Variants in MLLT3 observed in about 807,000 individuals in gnomAD.
The protein encoded by MLLT3 is protein AF-9.
A neutral mutation model predicts 53.2 loss-of-function variants in MLLT3; 4 were observed. The ratio of observed to expected loss-of-function variants is 0.08; its 90% CI spans 0.04 to 0.17. MLLT3 has a LOEUF of 0.17. MLLT3 is among the 10% of genes least tolerant of loss of function. MLLT3 has a pLI of 1.00. For synonymous variants in MLLT3, 283 were observed against 230.6 expected (o/e 1.23, Z -2.06); for missense variants, 569 against 684.0 (o/e 0.83, Z 1.87).
chr9:20,389,123 C>A (rs928176668), intron 5 of MLLT3, among the ~76,000 whole-genome samples: 1 of 152,220 alleles, frequency 6.6e-6, no homozygotes, highest in Admixed American at 6.5e-5. Context: ...AAGTGTCCAT[C>A]AGCCAATGAA....
At chr9:20,586,347 G>C (rs918295309) in intron 2 of MLLT3, among the ~76,000 whole-genome samples, 3 of 151,066 alleles carry the variant, frequency 2.0e-5, no homozygotes, top group Non-Finnish European at 4.4e-5. Flanking sequence ...ATATGGATGG[G>C]TATGGATGGG....
At chr9:20,517,721 C>T (rs1817951940) in intron 2 of MLLT3, among the ~76,000 whole-genome samples, 1 of 151,738 alleles carries the variant, frequency 6.6e-6, no homozygotes, top group African/African-American at 2.4e-5. Flanking sequence ...CCTGTAATAC[C>T]AGCTACTTGG....
chr9:20,614,981 T>G (rs7018627), intron 2 of MLLT3, among the ~76,000 whole-genome samples: 2,338 of 152,248 alleles, frequency 0.015, 60 homozygotes, highest in African/African-American at 0.052. Flanking sequence ...GATAGGTAGT[T>G]CTACAGAGGG....
At chr9:20,512,180 G>A (rs1817768657) in intron 2 of MLLT3, among the ~76,000 whole-genome samples, 1 of 152,148 alleles carries the variant, frequency 6.6e-6, no homozygotes, top group Non-Finnish European at 1.5e-5. Context: ...AGGCTGCAAT[G>A]GTGCTGTTTT....
chr9:20,532,433 G>T (rs1818367182), intron 2 of MLLT3: 1 of 168,262 alleles, frequency 5.9e-6, no homozygotes, highest in Non-Finnish European at 1.3e-5. Flanking sequence ...AATTAACACA[G>T]TTGCAGTCAT....
chr9:20,500,896 C>T (rs1035905190), intron 2 of MLLT3, among the ~76,000 whole-genome samples: 13 of 152,124 alleles, frequency 8.5e-5, no homozygotes, highest in Non-Finnish European at 1.5e-4. Flanking sequence ...AGTTCAATGC[C>T]CAGAAACCTG....
Position 20,398,451 on chromosome 9 carries a change from A to C in MLLT3, c.1125+15270T>G, listed in dbSNP as rs114532576. On this transcript the variant is annotated intron_variant, in intron 5 of 10. Transcript: ENST00000380338. ...AATATTTAACAGCCAAATTAAGCTT[A>C]TTAATTTAAAGCTATTCTGTCTTGA... 5.7e-3 allele frequency among the ~76,000 whole-genome samples: 872 copies of C among 152,264 alleles called. 9 individuals carry two copies. The highest frequency in any genetic ancestry group is 0.02 in the African/African-American group (834 of 41,552).
chr9:20,390,835 A>G (rs1408421067), intron 5 of MLLT3, among the ~76,000 whole-genome samples: 1 of 152,222 alleles, frequency 6.6e-6, no homozygotes, highest in Non-Finnish European at 1.5e-5. Flanking sequence ...GAGGTGTGCC[A>G]GGCATGGTGG....
At chr9:20,439,706 T>A (rs1012785419) in intron 4 of MLLT3, among the ~76,000 whole-genome samples, 1 of 152,166 alleles carries the variant, frequency 6.6e-6, no homozygotes, top group Admixed American at 6.5e-5. Context: ...AATAAAGTCA[T>A]ATATGTTTAA....
intron 4 of MLLT3, among the ~76,000 whole-genome samples, chr9:20,435,263 C>T (rs1301569019): frequency 6.6e-6 from 1 of 152,104 alleles, no homozygotes; most frequent in African/African-American, 2.4e-5. Flanking sequence ...AGGCTAGACT[C>T]GAACTCCTGG....
intron 5 of MLLT3, among the ~76,000 whole-genome samples, chr9:20,413,417 G>A (rs1338890100): frequency 2.0e-5 from 3 of 152,102 alleles, no homozygotes; most frequent in South Asian, 4.1e-4. Context: ...TCATTGGAAA[G>A]CATAGATACC....
chr9:20,410,191 T>C (rs1481513444), intron 5 of MLLT3, among the ~76,000 whole-genome samples: 3 of 152,062 alleles, frequency 2.0e-5, no homozygotes, highest in Non-Finnish European at 4.4e-5. Flanking sequence ...TACCAAATAT[T>C]GCAGCATATA....
intron 8 of MLLT3, among the ~76,000 whole-genome samples, chr9:20,358,491 A>G (rs1489890263): frequency 6.6e-6 from 1 of 152,208 alleles, no homozygotes; most frequent in African/African-American, 2.4e-5. Flanking sequence ...GGTAACTTTT[A>G]CCCTCTCCAG....
At position 20,353,543 on chromosome 9, in the gene MLLT3, T is replaced by C; in HGVS notation, c.1557A>G (p.Glu519=). ...TTCTCACCTGCTGCAGAATGTGTCT[T>C]TCTCTCAATGTCATTAACCTTCTGT... ...ELHRRLMTLR[E]RHILQQIVNL... Residue 519 remains glutamate, a synonymous_variant, in exon 10 of 11, where the codon GAA becomes GAG. Coordinates refer to ENST00000380338, the MANE Select transcript of MLLT3 (RefSeq NM_004529.4). 1 of 1,614,116 alleles carries C rather than the reference T, an allele frequency of 6.2e-7. No individual in the cohort carries two copies.
chr9:20,451,531 A>G (rs1373248979), intron 3 of MLLT3, among the ~76,000 whole-genome samples: 1 of 152,016 alleles, frequency 6.6e-6, no homozygotes, highest in Non-Finnish European at 1.5e-5. Context: ...TTTTTTAAAG[A>G]TTTTTTTTAA....
At chr9:20,619,113 G>C (rs1355645748) in intron 2 of MLLT3, among the ~76,000 whole-genome samples, 1 of 152,128 alleles carries the variant, frequency 6.6e-6, no homozygotes, top group African/African-American at 2.4e-5. Context: ...CCTCATCAGC[G>C]ATAGAAATTT....
rs528242652 is a variant in MLLT3, at chr9:20,621,792, C to T, written c.12+453G>A. On this transcript the variant is annotated intron_variant, in intron 1 of 10. Coordinates refer to ENST00000380338, the MANE Select transcript of MLLT3 (RefSeq NM_004529.4). This position sits in a 1 kb window ranked among gnomAD's most constrained non-coding sequence, Gnocchi z 7.0. ...ACGCACCATCGTAGCGGCCGCGGCG[C>T]TTTGCGGAGGTGCGGCCGCCGAGGC... 20 of 1,469,792 alleles carry T rather than the reference C, an allele frequency of 1.4e-5. No individual in the cohort carries two copies. The highest frequency in any genetic ancestry group is 1.7e-5 in the Non-Finnish European group (19 of 1,119,966). 91.0% of individuals were successfully genotyped at this position (1,469,792 alleles called of 1,614,324 possible).
chr9:20,401,820 TTC>T (rs1206337166), intron 5 of MLLT3, among the ~76,000 whole-genome samples: 1 of 152,152 alleles, frequency 6.6e-6, no homozygotes, highest in Non-Finnish European at 1.5e-5. Context: ...AAAATAAACA[TTC>T]TGTTAGAAGA....
chr9:20,342,234 A>C lies in MLLT3; in HGVS notation c.*4209T>G, dbSNP rs1820752737. 1 of 221,510 alleles carries C rather than the reference A, an allele frequency of 4.5e-6. No homozygotes were observed. The highest frequency in any genetic ancestry group is 5.8e-5 in the Admixed American group (1 of 17,342). The allele number at this position is 221,510 out of a possible 1,614,324, so 13.7% of individuals were successfully genotyped here. A position where few individuals can be genotyped will look rare whatever the true frequency, so the allele number is the denominator to read the frequency against. On this transcript the variant is annotated 3_prime_UTR_variant, in exon 11 of 11. Coordinates refer to ENST00000380338, the MANE Select transcript of MLLT3 (RefSeq NM_004529.4). ...GAAACAGATTATATGAGTTTAAGTA[A>C]AACACCTATTTCTATCAATCTGTAC...
Sources: gnomAD v4.1 joint callset for allele counts (sites outside exome capture counted in the v4.1 genomes callset) on GRCh38, gnomAD v4.1.1 for gene constraint, Gnocchi (gnomAD v3.1) non-coding constraint, MANE v1.5 for transcripts, NCBI Gene and HGNC (gene_info 2026-07-23, HGNC 2026-07-21) for gene names.